Variants in ZFAND2A observed in about 807,000 individuals in gnomAD.
The protein encoded by ZFAND2A is AN1-type zinc finger protein 2A.
In ZFAND2A, 20 loss-of-function variants were observed where a neutral mutation model predicts 11.6. The ratio of observed to expected loss-of-function variants is 1.72; its 90% CI spans 1.21 to 2.50. The LOEUF (loss-of-function observed/expected upper bound fraction) is 2.50, where lower values mean the gene tolerates loss of function less well. Among genes scored for constraint, ZFAND2A ranks in the 30% most tolerant of loss-of-function variants. ZFAND2A has a pLI of 0.00. For missense variants in ZFAND2A, 234 were observed against 182.9 expected, an observed-to-expected ratio of 1.28 and a Z score of -1.61; for synonymous variants, 93 against 60.6, an observed-to-expected ratio of 1.54 and a Z score of -2.48.
intron 4 of ZFAND2A, among the ~76,000 whole-genome samples, chr7:1,154,662 C>G (rs936909788): frequency 6.6e-6 from 1 of 152,190 alleles, no homozygotes; most frequent in Non-Finnish European, 1.5e-5. Context: ...GTGTGGCAGA[C>G]TAAGGAACAC....
At chr7:1,149,585 C>T (rs1793360837), downstream of ZFAND2A, among the ~76,000 whole-genome samples, 1 of 152,198 alleles carries the variant, frequency 6.6e-6, no homozygotes, top group Admixed American at 6.5e-5. Context: ...TGTGCACGGC[C>T]AGGTGATTGC....
chr7:1,152,972 T>A lies in ZFAND2A; in HGVS notation c.*97A>T. 1 of 1,489,290 alleles carries A rather than the reference T, an allele frequency of 6.7e-7. No individual in the cohort carries two copies. The highest frequency in any genetic ancestry group is 1.2e-5 in the South Asian group (1 of 84,856). The allele number at this position is 1,489,290 out of a possible 1,614,324, so 92.3% of individuals were successfully genotyped here. On this transcript the variant is annotated 3_prime_UTR_variant, in exon 5 of 5. Coordinates refer to ENST00000316495, the MANE Select transcript of ZFAND2A (RefSeq NM_182491.4). ...CAACAAACAAGATCAGCAGCCAGTGTGGGATGGTGCTCAATGGGGCTCCAC... is the reference window on the plus strand; with the variant it reads ...CAACAAACAAGATCAGCAGCCAGTGAGGGATGGTGCTCAATGGGGCTCCAC...
rs375536992 is a variant in ZFAND2A at position 1,157,787 on chromosome 7, G to A, written c.56-37C>T. 71 of 1,445,000 alleles carry A rather than the reference G, an allele frequency of 4.9e-5. No individual in the cohort carries two copies. The African/African-American group carries it at 8.4e-4, about 17-fold the overall frequency. The allele number at this position is 1,445,000 out of a possible 1,614,324, so 89.5% of individuals were successfully genotyped here. A position where few individuals can be genotyped will look rare whatever the true frequency, so the allele number is the denominator to read the frequency against. On this transcript the variant is annotated intron_variant, in intron 2 of 4. Coordinates refer to ENST00000316495, the MANE Select transcript of ZFAND2A (RefSeq NM_182491.4). ...AAAACAGGGAAGTGTTTTAACGACTGGAACAAAATACTTCCAGATAGTACT... is the reference window on the plus strand; with the variant it reads ...AAAACAGGGAAGTGTTTTAACGACTAGAACAAAATACTTCCAGATAGTACT...
intron 3 of ZFAND2A, 26 bp from the exon 4 acceptor site, chr7:1,155,610 A>G (rs761282932): frequency 6.2e-7 from 1 of 1,608,488 alleles, no homozygotes; most frequent in South Asian, 1.1e-5. Flanking sequence ...GTAAGATGGC[A>G]TCTGAGACTC....
downstream of ZFAND2A, among the ~76,000 whole-genome samples, chr7:1,150,368 G>A (rs954309134): frequency 7.3e-5 from 11 of 151,666 alleles, no homozygotes; most frequent in Non-Finnish European, 1.0e-4. Context: ...CTGTCTCAGC[G>A]GGACATCTGG....
At chr7:1,152,841 A>G, downstream of ZFAND2A, 1 of 695,434 alleles carries the variant, frequency 1.4e-6, no homozygotes, top group East Asian at 2.9e-5. Context: ...ACCGATTTCT[A>G]TGGTTTGAGC....
rs1793429075 is a variant in ZFAND2A at position 1,152,947 on chromosome 7, C to T, written c.*122G>A. On this transcript the variant is annotated 3_prime_UTR_variant, in exon 5 of 5. Transcript: ENST00000316495. ...AATTTTATTATAGTCCCATCTCCCT[C>T]AACAAACAAGATCAGCAGCCAGTGT... 1 of 1,367,230 alleles carries T rather than the reference C, an allele frequency of 7.3e-7. No homozygotes were observed. Among genetic ancestry groups the T allele is most frequent in the Admixed American group, 2.0e-5 (1 of 51,052 alleles). 84.7% of individuals were successfully genotyped at this position (1,367,230 alleles called of 1,614,324 possible).
At chr7:1,158,973 C>G (rs527330314) in intron 1 of ZFAND2A, among the ~76,000 whole-genome samples, 1 of 152,106 alleles carries the variant, frequency 6.6e-6, no homozygotes, top group Admixed American at 6.5e-5. Flanking sequence ...CCCATCAGCT[C>G]TCTCCCCACT....
intron 1 of ZFAND2A, among the ~76,000 whole-genome samples, chr7:1,158,542 G>A (rs1474171068): frequency 1.3e-5 from 2 of 152,234 alleles, no homozygotes; most frequent in African/African-American, 4.8e-5. Context: ...ACAGCTGCCA[G>A]TGATGATTAC....
At chr7:1,149,780 G>A (rs377499562), downstream of ZFAND2A, among the ~76,000 whole-genome samples, 1 of 152,164 alleles carries the variant, frequency 6.6e-6, no homozygotes, top group South Asian at 2.1e-4. Flanking sequence ...CCTAGGCGTG[G>A]TGCGGTCCAG....
rs952920481 is a variant in ZFAND2A, at chr7:1,157,707, A to G, written c.99T>C (p.Cys33=). 4 of 1,563,296 alleles carry G rather than the reference A, an allele frequency of 2.6e-6. No homozygotes were observed. In the African/African-American group the frequency reaches 4.2e-5, roughly 16 times the overall value. Residue 33 remains cysteine (C), a synonymous_variant, in exon 3 of 5, where the codon TGT becomes TGC. Transcript: ENST00000316495. ...GTGCAGCGTATGGAAAATGATCTTT[A>G]CAGAAATCTTGTTTACATGCATCAC... ...VKCDACKQDF[C]KDHFPYAAHK... is the part of the protein sequence containing the mutation.
At chr7:1,152,494 C>G, downstream of ZFAND2A, 2 of 997,418 alleles carry the variant, frequency 2.0e-6, no homozygotes, top group Non-Finnish European at 2.9e-6. Flanking sequence ...AATACAGATG[C>G]TTCTCGATTT....
chr7:1,154,899 C>A (rs972478953), intron 4 of ZFAND2A, among the ~76,000 whole-genome samples: 12 of 152,054 alleles, frequency 7.9e-5, no homozygotes, highest in Non-Finnish European at 1.6e-4. Flanking sequence ...GCGGGCAGAT[C>A]ATAAGGTGAG....
downstream of ZFAND2A, among the ~76,000 whole-genome samples, chr7:1,150,887 C>CTTTTTTTTTTTTTTTTTT (rs10568309): frequency 1.6e-5 from 2 of 128,106 alleles, no homozygotes; most frequent in African/African-American, 6.2e-5. Flanking sequence ...ACAACTGTGC[C>CTTTTTTTTTTTTTTTTTT]TTTTTTTTTT....
intron 1 of ZFAND2A, among the ~76,000 whole-genome samples, chr7:1,158,765 G>A (rs1195030905): frequency 6.6e-6 from 1 of 152,214 alleles, no homozygotes; most frequent in African/African-American, 2.4e-5. Flanking sequence ...TGATCAGGGA[G>A]AAGCGCAAGC....
Position 1,154,697 on chromosome 7 carries a change from C to A in ZFAND2A, c.282+756G>T, listed in dbSNP as rs76926989. Among the ~76,000 whole-genome samples the A allele has an allele frequency of 0.017, 2,594 of 152,212 alleles. 95 individuals are homozygous for A. The East Asian group carries it at 0.17, about 10-fold the overall frequency. On this transcript the variant is annotated intron_variant, in intron 4 of 4. Coordinates refer to ENST00000316495, the MANE Select transcript of ZFAND2A (RefSeq NM_182491.4). Reference sequence around the variant, plus strand: ...CTGATTTTATTCTCTATGTTTGAGACCAAAAGTTATTTGGTTTATGGTAAT... The same window carrying A: ...CTGATTTTATTCTCTATGTTTGAGAACAAAAGTTATTTGGTTTATGGTAAT...
chr7:1,155,715 G>A (rs546063506), intron 3 of ZFAND2A, 131 bp from the exon 4 acceptor site: 9 of 1,194,068 alleles, frequency 7.5e-6, no homozygotes, highest in African/African-American at 3.1e-5. Flanking sequence ...CGAGCCCTCC[G>A]AGAACAAAGC....
chr7:1,153,599 G>A (rs1217572808), intron 4 of ZFAND2A, among the ~76,000 whole-genome samples: 1 of 152,230 alleles, frequency 6.6e-6, no homozygotes, highest in South Asian at 2.1e-4. Flanking sequence ...CACAGTTCCT[G>A]TCTGCACAGA....
downstream of ZFAND2A, chr7:1,152,337 G>T: frequency 6.4e-7 from 1 of 1,572,236 alleles, no homozygotes; most frequent in South Asian, 1.2e-5. Flanking sequence ...ACTGTCATGG[G>T]TGAGCACCTA....
Sources: allele counts gnomAD v4.1 joint callset (sites outside exome capture counted in the v4.1 genomes callset), GRCh38; gene constraint gnomAD v4.1.1; transcripts MANE v1.5; gene names NCBI Gene and HGNC (gene_info 2026-07-23, HGNC 2026-07-21).